IKBKG: variants seen among roughly 807,000 people sequenced by gnomAD.
IKBKG encodes the protein NF-kappa-B essential modulator.
IKBKG carries 2 observed loss-of-function variants against 13.7 expected under a neutral mutation model. The observed-to-expected ratio is 0.15, with a 90% CI of 0.06 to 0.46. The LOEUF is 0.46. Ranked by LOEUF, IKBKG falls within the 20% of genes least tolerant of loss-of-function variation. IKBKG has a pLI of 0.98. For missense variants in IKBKG, 53 were observed against 150.3 expected (o/e 0.35, Z 3.39); for synonymous variants, 22 against 64.4 (o/e 0.34, Z 3.15).
chrX:154,544,900 G>A (rs1557232815), upstream of IKBKG, among the ~76,000 whole-genome samples: 1 of 112,588 alleles, frequency 8.9e-6, no homozygotes, highest in African/African-American at 3.2e-5. Context: ...ACTGAGGGGC[G>A]CACGATGTGG....
At chrX:154,550,303 G>T (rs2070895500) in intron 1 of IKBKG, among the ~76,000 whole-genome samples, 1 of 103,074 alleles carries the variant, frequency 9.7e-6, no homozygotes, top group Non-Finnish European at 2.0e-5. Context: ...AATCAAAAAA[G>T]ACTTTTGACA....
At chrX:154,543,238 A>G (rs1271872061), upstream of IKBKG, among the ~76,000 whole-genome samples, 1 of 112,427 alleles carries the variant, frequency 8.9e-6, no homozygotes, top group Admixed American at 9.4e-5. Flanking sequence ...TCTGCTTTGA[A>G]AGCCTCAGGT....
chrX:154,551,985 C>T lies in IKBKG; in HGVS notation c.-15-3C>T, dbSNP rs782816286. The T allele has an allele frequency of 1.9e-6, 2 of 1,054,589 alleles. No individual in the cohort carries two copies. The highest frequency in any genetic ancestry group is 3.4e-5 in the East Asian group (1 of 29,610). The allele number at this position is 1,054,589 out of a possible 1,213,427, so 86.9% of individuals were successfully genotyped here. On this transcript the variant is annotated splice_polypyrimidine_tract_variant and splice_region_variant and intron_variant, in intron 1 of 9. Coordinates refer to ENST00000594239, the MANE Select transcript of IKBKG (RefSeq NM_001099857.5). ...TGACTCCCCTGCTGCCTTTCTCTTT[C>T]AGCCCTTGCCCTGTTGGATGAATAG...
At chrX:154,547,178 G>C, upstream of IKBKG, 1 of 247,138 alleles carries the variant, frequency 4.0e-6, no homozygotes, top group Non-Finnish European at 5.7e-6. Flanking sequence ...TTCCCCGCCT[G>C]CCCCGGCGGC....
chrX:154,551,498 A>G (rs1417972003), intron 1 of IKBKG, among the ~76,000 whole-genome samples: 6 of 111,048 alleles, frequency 5.4e-5, no homozygotes, highest in Non-Finnish European at 1.9e-5. Context: ...TTTAGGGCCC[A>G]CCCACGTCAC....
At chrX:154,546,087 G>A (rs1603415207), upstream of IKBKG, 1 of 1,211,638 alleles carries the variant, frequency 8.3e-7, no homozygotes, top group Non-Finnish European at 1.1e-6. Context: ...GGAAGGCATC[G>A]CCCTGGAAAA....
chrX:154,553,418 A>G (rs1261850084), intron 2 of IKBKG, among the ~76,000 whole-genome samples: 2 of 112,927 alleles, frequency 1.8e-5, no homozygotes, highest in East Asian at 5.6e-4. Context: ...CCCCGTGGGC[A>G]GAGACAAGAC....
chrX:154,549,132 A>G (rs2070851651), intron 1 of IKBKG, among the ~76,000 whole-genome samples: 2 of 107,672 alleles, frequency 1.9e-5, no homozygotes, highest in Non-Finnish European at 1.9e-5. Context: ...ACAGTTGTGC[A>G]CCACCACGCC....
chrX:154,544,021 A>G (rs1248099313), upstream of IKBKG, among the ~76,000 whole-genome samples: 3 of 108,453 alleles, frequency 2.8e-5, no homozygotes, highest in Non-Finnish European at 5.7e-5. Flanking sequence ...TGCCCACACC[A>G]GGCCTGGCTA....
chrX:154,546,110 G>A (rs781843044), upstream of IKBKG: 1 of 1,212,077 alleles, frequency 8.3e-7, no homozygotes, highest in Admixed American at 2.2e-5. Context: ...TCTTCCCGCA[G>A]GATCCCGCAC....
chrX:154,544,828 G>C (rs782409202), upstream of IKBKG, among the ~76,000 whole-genome samples: 14 of 112,399 alleles, frequency 1.2e-4, no homozygotes, highest in African/African-American at 4.2e-4. Flanking sequence ...CAAGGAGTAG[G>C]TTTGACAAAG....
upstream of IKBKG, chrX:154,545,938 A>G: frequency 1.9e-6 from 2 of 1,080,513 alleles, no homozygotes; most frequent in Non-Finnish European, 2.5e-6. Flanking sequence ...AGCTCAACTT[A>G]GCAGAGCCTG....
intron 1 of IKBKG, chrX:154,541,526 T>A (rs1431056376): frequency 8.9e-6 from 1 of 112,229 alleles, no homozygotes; most frequent in Admixed American, 9.5e-5. Flanking sequence ...CTGGCTGCGA[T>A]GCTCTAGTGG....
At chrX:154,554,000 C>T (rs1174687528) in intron 2 of IKBKG, among the ~76,000 whole-genome samples, 2 of 112,378 alleles carry the variant, frequency 1.8e-5, no homozygotes, top group Admixed American at 9.4e-5. Context: ...CAGCTTCCCT[C>T]GGGCTCCAGG....
intron 1 of IKBKG, among the ~76,000 whole-genome samples, chrX:154,551,025 G>T (rs2070916304): frequency 9.1e-6 from 1 of 110,309 alleles, no homozygotes; most frequent in African/African-American, 3.3e-5. Flanking sequence ...TGTTAGCCAG[G>T]ATGGTCTCAA....
chrX:154,543,887 AGAT>A (rs1452476666), upstream of IKBKG, among the ~76,000 whole-genome samples: 1 of 93,085 alleles, frequency 1.1e-5, no homozygotes, highest in Non-Finnish European at 2.1e-5. Context: ...TTTTTTTTTG[AGAT>A]GGAGTCTCAC....
At chrX:154,548,170 T>G in intron 1 of IKBKG, 1 of 676,022 alleles carries the variant, frequency 1.5e-6, no homozygotes, top group Non-Finnish European at 1.8e-6. Context: ...GATCTGAGAA[T>G]GAATGGGCTC....
chrX:154,548,131 A>T, intron 1 of IKBKG: 1 of 744,910 alleles, frequency 1.3e-6, no homozygotes, highest in African/African-American at 2.3e-5. Flanking sequence ...TTGCAAGACA[A>T]CATCTGCCTA....
chrX:154,549,317 A>G (rs143277699), intron 1 of IKBKG, among the ~76,000 whole-genome samples: 3,118 of 109,296 alleles, frequency 0.029, 107 homozygotes, highest in African/African-American at 0.098. Context: ...TGTCGCCCAG[A>G]ATGGAGTGCA....
Sources: allele counts gnomAD v4.1 joint callset (sites outside exome capture counted in the v4.1 genomes callset), GRCh38; gene constraint gnomAD v4.1.1; transcripts MANE v1.5; gene names NCBI Gene and HGNC (gene_info 2026-07-23, HGNC 2026-07-21).